WDR59: variants seen among roughly 807,000 people sequenced by gnomAD.
WDR59 encodes the protein GATOR2 complex protein WDR59.
In WDR59, 100 loss-of-function variants were observed where a neutral mutation model predicts 131.2. The observed-to-expected ratio is 0.76, with a 90% CI of 0.65 to 0.90. The LOEUF (loss-of-function observed/expected upper bound fraction) is 0.90, where lower values mean the gene tolerates loss of function less well. Ranked by LOEUF, WDR59 falls within the 40% of genes least tolerant of loss-of-function variation. The probability of loss-of-function intolerance (pLI) is 0.00; values close to 1 mark genes in which losing one functional copy is unlikely to be tolerated. For missense variants in WDR59, 1,203 were observed against 1,262.2 expected (o/e 0.95, Z 0.71); for synonymous variants, 601 against 466.2 (o/e 1.29, Z -3.72).
rs556287386 is a variant in WDR59 at position 74,885,598 on chromosome 16, T to C, written c.2689+55A>G. On this transcript the variant is annotated intron_variant, in intron 25 of 25. Coordinates refer to ENST00000262144, the MANE Select transcript of WDR59 (RefSeq NM_030581.4). The stretch of plus-strand genomic sequence containing the variant: ...TTCCAAGTCTGAGGCTGTGGACATA[T>C]TAAATTACAGGATCTTTCAGACAGT... 26 of 1,591,994 alleles carry C rather than the reference T, an allele frequency of 1.6e-5. No individual in the cohort carries two copies. The East Asian group carries it at 5.6e-4, about 34-fold the overall frequency.
chr16:74,910,674 C>G (rs1031258125), intron 14 of WDR59, among the ~76,000 whole-genome samples: 1 of 152,160 alleles, frequency 6.6e-6, no homozygotes, highest in East Asian at 1.9e-4. Context: ...AAGTATAAAT[C>G]CTAACACTTT....
At chr16:74,948,890 C>A (rs895286208) in intron 5 of WDR59, among the ~76,000 whole-genome samples, 3 of 152,000 alleles carry the variant, frequency 2.0e-5, no homozygotes, top group Non-Finnish European at 2.9e-5. Context: ...CCCAGCTACT[C>A]GGGAGACTGA....
intron 17 of WDR59, among the ~76,000 whole-genome samples, chr16:74,906,549 T>C (rs1965830874): frequency 6.6e-6 from 1 of 152,088 alleles, no homozygotes. Context: ...CAGAAATTAA[T>C]ATACAAGTCT....
intron 25 of WDR59, among the ~76,000 whole-genome samples, chr16:74,883,612 T>C (rs184428478): frequency 1.3e-5 from 2 of 152,314 alleles, no homozygotes; most frequent in East Asian, 1.9e-4. Context: ...CAGCCTTCCA[T>C]TTCATTCTGT....
rs1039482012 is a variant in WDR59 at position 74,871,639 on chromosome 16, G to C, written c.*2570C>G. 6.6e-6 allele frequency: 1 copy of C among 152,174 alleles called. No individual in the cohort carries two copies. The highest frequency in any genetic ancestry group is 1.5e-5 in the Non-Finnish European group (1 of 68,036). 9.4% of individuals were successfully genotyped at this position (152,174 alleles called of 1,614,324 possible). On this transcript the variant is annotated 3_prime_UTR_variant, in exon 26 of 26. Transcript: ENST00000262144. ...ATCTCATTCTTGATGGGGACAGATA[G>C]GGACAGGTTTTTACACTAACTTGAG...
At chr16:74,877,372 T>A (rs1964265462) in intron 25 of WDR59, among the ~76,000 whole-genome samples, 1 of 152,164 alleles carries the variant, frequency 6.6e-6, no homozygotes, top group Non-Finnish European at 1.5e-5. Context: ...CAAATGTGAT[T>A]CTGTGCCTGG....
intron 1 of WDR59, among the ~76,000 whole-genome samples, chr16:74,971,588 G>C: frequency 6.6e-6 from 1 of 151,582 alleles, no homozygotes; most frequent in East Asian, 1.9e-4. Context: ...ACCTGTCACC[G>C]TGCCTGGCTG....
At chr16:74,912,713 A>G (rs1407693516) in intron 13 of WDR59, among the ~76,000 whole-genome samples, 3 of 152,220 alleles carry the variant, frequency 2.0e-5, no homozygotes, top group Non-Finnish European at 4.4e-5. Context: ...AGCCTTGAAC[A>G]AAGATTTACC....
chr16:74,933,447 G>A (rs2031560894), intron 8 of WDR59, among the ~76,000 whole-genome samples: 1 of 149,910 alleles, frequency 6.7e-6, no homozygotes, highest in Non-Finnish European at 1.5e-5. Context: ...TACTTTTTGT[G>A]TTTTTCATAA....
chr16:74,871,610 A>C lies in WDR59; in HGVS notation c.*2599T>G, dbSNP rs1393825869. The C allele has an allele frequency of 6.6e-6, 1 of 152,232 alleles. No individual in the cohort carries two copies. The highest frequency in any genetic ancestry group is 1.5e-5 in the Non-Finnish European group (1 of 68,040). The allele number at this position is 152,232 out of a possible 1,614,324, so 9.4% of individuals were successfully genotyped here. On this transcript the variant is annotated 3_prime_UTR_variant, in exon 26 of 26. Transcript: ENST00000262144. Reference sequence around the variant, plus strand: ...TGTTCCTCCAACAATAAAACAAGAAAAACATCTCATTCTTGATGGGGACAG... The same window carrying C: ...TGTTCCTCCAACAATAAAACAAGAACAACATCTCATTCTTGATGGGGACAG...
intron 13 of WDR59, among the ~76,000 whole-genome samples, chr16:74,912,999 A>G (rs4887792): frequency 0.99 from 150,301 of 151,776 alleles, 74,422 homozygotes; most frequent in Middle Eastern, 1. Context: ...GGGCATCACC[A>G]CCATCATGAA....
chr16:74,892,089 A>G (rs926491121), intron 20 of WDR59, among the ~76,000 whole-genome samples: 12 of 152,336 alleles, frequency 7.9e-5, no homozygotes, highest in Middle Eastern at 6.8e-3. Context: ...AATATTTGTC[A>G]TGTTAAATCA....
rs1468339286 is a variant in WDR59, at chr16:74,980,417, C to T, written c.54+4547G>A. ...TTGCCCAGGCTGTAGTGCAACGGTG[C>T]GATTTGGCTCGCTGCAACCTCCGCC... is the stretch of plus-strand genomic sequence containing the variant. On this transcript the variant is annotated intron_variant, in intron 1 of 25. Transcript: ENST00000262144. Among the ~76,000 whole-genome samples, 10 of 139,564 alleles carry T rather than the reference C, an allele frequency of 7.2e-5. No homozygotes were observed. In the East Asian group the frequency reaches 2.1e-3, roughly 29 times the overall value. 91.6% of individuals were successfully genotyped at this position (139,564 alleles called of 152,430 possible). A position where few individuals can be genotyped will look rare whatever the true frequency, so the allele number is the denominator to read the frequency against.
intron 2 of WDR59, among the ~76,000 whole-genome samples, chr16:74,958,411 G>A (rs990731760): frequency 1.3e-5 from 2 of 151,252 alleles, no homozygotes; most frequent in African/African-American, 4.9e-5. Context: ...CCAACATGGT[G>A]AAACCCTGTC....
intron 8 of WDR59, among the ~76,000 whole-genome samples, chr16:74,932,655 ATTTG>A (rs1013773767): frequency 2.6e-5 from 4 of 151,676 alleles, no homozygotes; most frequent in Admixed American, 2.6e-4. Context: ...CACCAAGGTA[ATTTG>A]TTTATTTTTT....
chr16:74,955,974 A>G (rs1453196709), intron 3 of WDR59, among the ~76,000 whole-genome samples: 2 of 152,162 alleles, frequency 1.3e-5, no homozygotes, highest in African/African-American at 4.8e-5. Context: ...AAAAAATCAC[A>G]CATAAACAGG....
chr16:74,983,567 C>A (rs774163527), intron 1 of WDR59, among the ~76,000 whole-genome samples: 1 of 152,108 alleles, frequency 6.6e-6, no homozygotes, highest in Non-Finnish European at 1.5e-5. Flanking sequence ...CGGTTCAGAG[C>A]TACCCACTAT....
chr16:74,885,523 C>T (rs1215226230), intron 25 of WDR59, 130 bp downstream of exon 25: 12 of 1,008,038 alleles, frequency 1.2e-5, no homozygotes, highest in East Asian at 7.9e-5. Flanking sequence ...TTGGAATAGA[C>T]TCAAAATGCC....
chr16:74,890,060 A>G (rs1964964095), intron 20 of WDR59, among the ~76,000 whole-genome samples: 1 of 152,250 alleles, frequency 6.6e-6, no homozygotes, highest in Non-Finnish European at 1.5e-5. Flanking sequence ...ACTAGGCTTA[A>G]AAATTTTTCA....
Sources: gnomAD v4.1 joint callset for allele counts (sites outside exome capture counted in the v4.1 genomes callset) on GRCh38, gnomAD v4.1.1 for gene constraint, MANE v1.5 for transcripts, NCBI Gene and HGNC (gene_info 2026-07-23, HGNC 2026-07-21) for gene names.